IFT52: variants seen among roughly 807,000 people sequenced by gnomAD.
IFT52 encodes intraflagellar transport protein 52 homolog.
In IFT52, 44 loss-of-function variants were observed where a neutral mutation model predicts 54.4. The observed-to-expected ratio is 0.81, with a 90% CI of 0.63 to 1.04. IFT52 has a LOEUF of 1.04. IFT52 is among the 50% of genes least tolerant of loss of function. The pLI, the probability that IFT52 is intolerant of heterozygous loss-of-function variation, is 0.00. For missense variants in IFT52, 452 were observed against 523.6 expected (o/e 0.86, Z 1.33); for synonymous variants, 181 against 185.3 (o/e 0.98, Z 0.19).
intron 10 of IFT52, among the ~76,000 whole-genome samples, chr20:43,625,986 C>T (rs1984684746): frequency 7.0e-6 from 1 of 143,418 alleles, no homozygotes; most frequent in African/African-American, 2.6e-5. Flanking sequence ...CAGTGACCCG[C>T]TCCAGCCTGG....
chr20:43,617,676 T>C (rs1392372518), intron 7 of IFT52, among the ~76,000 whole-genome samples: 1 of 152,196 alleles, frequency 6.6e-6, no homozygotes, highest in Admixed American at 6.6e-5. Flanking sequence ...ACTCCTGGCC[T>C]CAAGTGATCC....
chr20:43,641,892 G>A (rs1985947817), intron 12 of IFT52, among the ~76,000 whole-genome samples: 1 of 145,656 alleles, frequency 6.9e-6, no homozygotes, highest in African/African-American at 2.5e-5. Context: ...CTCCCCAGTT[G>A]AGGTGATTCT....
chr20:43,612,727 G>C (rs1352843164), intron 6 of IFT52, among the ~76,000 whole-genome samples: 2 of 151,914 alleles, frequency 1.3e-5, no homozygotes, highest in Non-Finnish European at 2.9e-5. Flanking sequence ...ACACTAGAGG[G>C]AAATAATTTT....
chr20:43,600,541 T>C (rs769006189), intron 3 of IFT52, among the ~76,000 whole-genome samples: 97 of 152,244 alleles, frequency 6.4e-4, no homozygotes, highest in Non-Finnish European at 1.1e-3. Context: ...CCTGGCCTTG[T>C]GATCCGCCCG....
At chr20:43,596,736 C>CTTT (rs59960911) in intron 3 of IFT52, among the ~76,000 whole-genome samples, 411 of 75,854 alleles carry the variant, frequency 5.4e-3, no homozygotes, top group Middle Eastern at 8.3e-3. Flanking sequence ...AGCCACACTT[C>CTTT]TTTTTTTTTT....
intron 1 of IFT52, among the ~76,000 whole-genome samples, chr20:43,594,482 T>A (rs1421239458): frequency 6.6e-6 from 1 of 151,800 alleles, no homozygotes; most frequent in Non-Finnish European, 1.5e-5. Flanking sequence ...CAAAAGCGGG[T>A]AGGGGAGGGC....
chr20:43,634,466 A>G (rs1985386501), intron 10 of IFT52, among the ~76,000 whole-genome samples: 1 of 152,204 alleles, frequency 6.6e-6, no homozygotes, highest in Admixed American at 6.5e-5. Context: ...CAGAAACTAG[A>G]CTAACTTCCA....
chr20:43,594,139 C>A (rs149873387), intron 1 of IFT52, among the ~76,000 whole-genome samples: 1 of 151,952 alleles, frequency 6.6e-6, no homozygotes, highest in South Asian at 2.1e-4. Context: ...GAAACCCCGT[C>A]TCTACTGAAA....
At chr20:43,616,831 G>A (rs961157248) in intron 7 of IFT52, among the ~76,000 whole-genome samples, 8 of 152,060 alleles carry the variant, frequency 5.3e-5, no homozygotes, top group Non-Finnish European at 8.8e-5. Context: ...TACCAGCCTT[G>A]GCAACATAGT....
chr20:43,632,979 A>G (rs1985274425), intron 10 of IFT52, among the ~76,000 whole-genome samples: 1 of 151,852 alleles, frequency 6.6e-6, no homozygotes, highest in African/African-American at 2.4e-5. Flanking sequence ...GGATCATTAC[A>G]TTATTTATAA....
intron 6 of IFT52, among the ~76,000 whole-genome samples, chr20:43,608,027 A>G (rs1295083734): frequency 1.5e-5 from 2 of 137,064 alleles, no homozygotes; most frequent in East Asian, 4.4e-4. Context: ...GCGCGCCTGC[A>G]ATCACAGGCA....
Position 43,605,043 on chromosome 20 carries a change from T to C in IFT52, c.455T>C (p.Ile152Thr), listed in dbSNP as rs759737039. ...GCAGGAAAGGCTGTGCCTGGGATCA[T>C]TGATGAGGAAAGCAGTGGAAACAAT... ...RAAGKAVPGI[I>T]DEESSGNNAQ... Residue 152 changes from isoleucine (I) to threonine (T), a missense_variant, in exon 6 of 14, where the codon ATT (isoleucine) becomes ACT (threonine). Transcript: ENST00000373030. 13 of 1,613,616 alleles carry C rather than the reference T, an allele frequency of 8.1e-6. No individual in the cohort carries two copies. Among genetic ancestry groups the C allele is most frequent in the African/African-American group, 6.7e-5 (5 of 74,902 alleles).
chr20:43,608,438 A>G (rs750775326), intron 6 of IFT52, among the ~76,000 whole-genome samples: 23 of 152,052 alleles, frequency 1.5e-4, no homozygotes, highest in Non-Finnish European at 3.4e-4. Flanking sequence ...TTTAAAGTCT[A>G]TTGGCTGATT....
chr20:43,601,561 GA>G (rs1472529773), intron 3 of IFT52, among the ~76,000 whole-genome samples: 1 of 152,174 alleles, frequency 6.6e-6, no homozygotes, highest in Non-Finnish European at 1.5e-5. Flanking sequence ...TAAAATGCCA[GA>G]TGGCCAATAG....
At chr20:43,637,775 A>C (rs1454940856) in intron 12 of IFT52, among the ~76,000 whole-genome samples, 1 of 152,176 alleles carries the variant, frequency 6.6e-6, no homozygotes, top group Non-Finnish European at 1.5e-5. Context: ...ACATAGTGCC[A>C]AGCAGAAAGC....
intron 6 of IFT52, among the ~76,000 whole-genome samples, chr20:43,612,850 T>G (rs571801626): frequency 6.6e-6 from 1 of 152,290 alleles, no homozygotes; most frequent in South Asian, 2.1e-4. Context: ...TTTCTAACCT[T>G]ACGCCCTGGT....
intron 10 of IFT52, among the ~76,000 whole-genome samples, chr20:43,629,218 G>T (rs1315427864): frequency 6.6e-6 from 1 of 152,140 alleles, no homozygotes; most frequent in Non-Finnish European, 1.5e-5. Flanking sequence ...AGCTTATTTT[G>T]TAAAACCTTA....
chr20:43,608,765 G>A (rs78501579), intron 6 of IFT52, among the ~76,000 whole-genome samples: 2,404 of 152,092 alleles, frequency 0.016, 66 homozygotes, highest in African/African-American at 0.055. Context: ...AATTTAGCCG[G>A]TCGTTGGTGG....
At chr20:43,612,213 A>G (rs189803398) in intron 6 of IFT52, among the ~76,000 whole-genome samples, 1 of 152,174 alleles carries the variant, frequency 6.6e-6, no homozygotes, top group East Asian at 1.9e-4. Context: ...TCCATGGACA[A>G]CTGCTTGTTT....
Sources: allele counts gnomAD v4.1 joint callset (sites outside exome capture counted in the v4.1 genomes callset), GRCh38; gene constraint gnomAD v4.1.1; transcripts MANE v1.5; gene names NCBI Gene and HGNC (gene_info 2026-07-23, HGNC 2026-07-21).